LRRN2: variants seen among roughly 807,000 people sequenced by gnomAD.
LRRN2 encodes the protein leucine-rich repeat neuronal protein 2.
In LRRN2, 10 loss-of-function variants were observed where a neutral mutation model predicts 35.7. That is an observed-to-expected ratio of 0.28 (90% CI 0.17 to 0.47). LRRN2 has a LOEUF of 0.47. Ranked by LOEUF, LRRN2 falls within the 20% of genes least tolerant of loss-of-function variation. LRRN2 has a pLI of 0.99. For missense variants in LRRN2, 731 were observed against 940.3 expected (o/e 0.78, Z 2.91); for synonymous variants, 391 against 409.6 (o/e 0.95, Z 0.55).
chr1:204,676,671 G>T (rs1446087207), intron 1 of LRRN2, among the ~76,000 whole-genome samples: 31 of 152,108 alleles, frequency 2.0e-4, no homozygotes, highest in Admixed American at 2.0e-3. Flanking sequence ...GTATAAACTG[G>T]CAGCTCATTC....
At chr1:204,672,683 C>T (rs1417159228) in intron 1 of LRRN2, among the ~76,000 whole-genome samples, 1 of 152,194 alleles carries the variant, frequency 6.6e-6, no homozygotes, top group Non-Finnish European at 1.5e-5. Flanking sequence ...CTAGCTCCCT[C>T]TTGCTCTCCT....
intron 1 of LRRN2, among the ~76,000 whole-genome samples, chr1:204,647,283 A>G (rs147948565): frequency 6.6e-6 from 1 of 152,192 alleles, no homozygotes; most frequent in African/African-American, 2.4e-5. Flanking sequence ...AAAATACCAC[A>G]CAATTGCAAA....
chr1:204,666,138 G>T (rs1668570172), intron 1 of LRRN2, among the ~76,000 whole-genome samples: 1 of 152,194 alleles, frequency 6.6e-6, no homozygotes, highest in Non-Finnish European at 1.5e-5. Flanking sequence ...GGCATTTTAG[G>T]CAATAAAATG....
At position 204,619,644 on chromosome 1, in the gene LRRN2, G is replaced by T. The variant is rs749001330; in HGVS notation, c.349C>A (p.Pro117Thr). 2.0e-5 allele frequency: 33 copies of T among 1,614,098 alleles called. No homozygotes were observed. Among genetic ancestry groups the T allele is most frequent in the African/African-American group, 2.7e-5 (2 of 74,948 alleles). The change falls in exon 2 of 2, where the codon CCC (proline) becomes ACC (threonine). Residue 117 changes from proline (P) to threonine (T), a missense_variant. By Grantham distance (38) the Pro-to-Thr change is conservative. This residue lies in a region of LRRN2 where 246 missense variants were observed against 289.5 expected (regional missense o/e 0.85). Coordinates refer to ENST00000367177, the MANE Select transcript of LRRN2 (RefSeq NM_201630.2). ...DARDCDFHAL[P>T]QLLSLHLEEN... ...TCTAGGTGCAGGCTCAGCAGCTGGG[G>T]CAGGGCATGGAAATCACAGTCTCGG...
At chr1:204,680,379 G>A (rs548087351) in intron 1 of LRRN2, among the ~76,000 whole-genome samples, 1 of 152,274 alleles carries the variant, frequency 6.6e-6, no homozygotes, top group East Asian at 1.9e-4. Flanking sequence ...CTTGGAACTC[G>A]CTTCAGGTCC....
chr1:204,639,145 C>G (rs979583476), intron 1 of LRRN2, among the ~76,000 whole-genome samples: 1 of 152,218 alleles, frequency 6.6e-6, no homozygotes, highest in Non-Finnish European at 1.5e-5. Context: ...ATGGAGAGAA[C>G]CCAGGCTTAG....
At chr1:204,648,808 C>A (rs1428658076) in intron 1 of LRRN2, among the ~76,000 whole-genome samples, 1 of 152,190 alleles carries the variant, frequency 6.6e-6, no homozygotes, top group African/African-American at 2.4e-5. Context: ...CCACAGCCCC[C>A]AACCCTTAAG....
intron 1 of LRRN2, among the ~76,000 whole-genome samples, chr1:204,644,151 A>G (rs933177775): frequency 6.6e-6 from 1 of 151,860 alleles, no homozygotes; most frequent in Non-Finnish European, 1.5e-5. Flanking sequence ...TCCTGGGGGG[A>G]ACAGCTGCTT....
intron 1 of LRRN2, among the ~76,000 whole-genome samples, chr1:204,631,016 C>T (rs1470757336): frequency 6.6e-6 from 1 of 151,492 alleles, no homozygotes; most frequent in Non-Finnish European, 1.5e-5. Context: ...AGTCCCCGGA[C>T]CAGTAGTCTA....
chr1:204,633,762 C>T (rs1037626988), intron 1 of LRRN2, among the ~76,000 whole-genome samples: 34 of 152,254 alleles, frequency 2.2e-4, no homozygotes, highest in Admixed American at 1.7e-3. Flanking sequence ...CTGCCCAGCT[C>T]TCCTTCCACT....
intron 1 of LRRN2, among the ~76,000 whole-genome samples, chr1:204,670,361 T>C (rs2102239282): frequency 6.6e-6 from 1 of 152,120 alleles, no homozygotes; most frequent in Non-Finnish European, 1.5e-5. Context: ...AGGCAGCGGG[T>C]GAGAAGGCAG....
intron 1 of LRRN2, among the ~76,000 whole-genome samples, chr1:204,662,725 C>G (rs913926554): frequency 6.6e-6 from 1 of 152,196 alleles, no homozygotes; most frequent in Admixed American, 6.5e-5. Flanking sequence ...TGATAAGTAT[C>G]TGGGAACTGG....
intron 1 of LRRN2, among the ~76,000 whole-genome samples, chr1:204,642,916 T>C (rs879279957): frequency 2.0e-5 from 3 of 152,176 alleles, no homozygotes; most frequent in Non-Finnish European, 4.4e-5. Context: ...ACCTAAGTGT[T>C]TCACAAGCCA....
chr1:204,646,120 G>T (rs1008495169), intron 1 of LRRN2, among the ~76,000 whole-genome samples: 1 of 152,124 alleles, frequency 6.6e-6, no homozygotes, highest in African/African-American at 2.4e-5. Flanking sequence ...AAAAGTGGTG[G>T]CAGGGGAGGA....
chr1:204,631,782 C>G (rs1035546267), intron 1 of LRRN2, among the ~76,000 whole-genome samples: 6 of 152,036 alleles, frequency 3.9e-5, no homozygotes, highest in Non-Finnish European at 8.8e-5. Context: ...TCCCAAGATT[C>G]AAACATATGA....
At chr1:204,645,606 G>T in intron 1 of LRRN2, among the ~76,000 whole-genome samples, 1 of 152,160 alleles carries the variant, frequency 6.6e-6, no homozygotes, top group Middle Eastern at 3.2e-3. Context: ...CTTCAGAATG[G>T]CTGTGTATTA....
Position 204,619,022 on chromosome 1 carries a change from G to T in LRRN2, c.971C>A (p.Ser324Tyr), listed in dbSNP as rs1250285460. ...KLDITNNPRL[S>Y]FIHPRAFHHL... ...GTGGAAGGCGCGGGGGTGGATGAAG[G>T]ACAGCCGTGGGTTATTGGTGATGTC... Residue 324 changes from serine to tyrosine, a missense_variant, in exon 2 of 2, where the codon TCC (serine) becomes TAC (tyrosine). Around this residue, in one of 3 missense-constraint regions of LRRN2, gnomAD observed 256 missense variants for 392.4 expected, o/e 0.65. Transcript: ENST00000367177. 1 of 1,609,402 alleles carries T rather than the reference G, an allele frequency of 6.2e-7. No homozygotes were observed. The highest frequency in any genetic ancestry group is 8.5e-7 in the Non-Finnish European group (1 of 1,176,840).
chr1:204,660,206 TTTCTCCTTCCAGCTCCACCCTC>T (rs1170629214), intron 1 of LRRN2, among the ~76,000 whole-genome samples: 5 of 436 alleles, frequency 0.011, no homozygotes, highest in African/African-American at 0.037. Context: ...TCCACCCTCG[TTTCTCCTTCCAGCTCCACCCTC>T]GTTTCTCCTT....
chr1:204,621,598 A>G (rs1354059876), intron 1 of LRRN2: 1 of 167,046 alleles, frequency 6.0e-6, no homozygotes, highest in Non-Finnish European at 1.5e-5. Flanking sequence ...GTATGAATCA[A>G]TCTCTGTGAC....
Sources: allele counts gnomAD v4.1 joint callset (sites outside exome capture counted in the v4.1 genomes callset), GRCh38; gene constraint gnomAD v4.1.1; regional missense constraint gnomAD v4.1.1; transcripts MANE v1.5; gene names NCBI Gene and HGNC (gene_info 2026-07-23, HGNC 2026-07-21).